CTBP2: variants seen among roughly 807,000 people sequenced by gnomAD.
CTBP2 encodes C-terminal binding protein 2, also known as C-terminal-binding protein 2.
Under a neutral mutation model 80.3 loss-of-function variants are expected in CTBP2, and 30 were observed. The observed-to-expected ratio is 0.37, with a 90% CI of 0.28 to 0.51. The LOEUF (loss-of-function observed/expected upper bound fraction) is 0.51. CTBP2 is among the 20% of genes least tolerant of loss of function. CTBP2 has a pLI of 0.93. For missense variants in CTBP2, 1,212 were observed against 1,375.3 expected (o/e 0.88, Z 1.88); for synonymous variants, 594 against 587.4 (o/e 1.01, Z -0.16).
At chr10:125,161,521 G>C (rs1468311475), upstream of CTBP2, among the ~76,000 whole-genome samples, 1 of 151,994 alleles carries the variant, frequency 6.6e-6, no homozygotes, top group Non-Finnish European at 1.5e-5. Context: ...CCCCGCACCG[G>C]CCGCTTCTGC....
intron 1 of CTBP2, among the ~76,000 whole-genome samples, chr10:125,121,539 T>C (rs1854320191): frequency 6.6e-6 from 1 of 152,202 alleles, no homozygotes; most frequent in Non-Finnish European, 1.5e-5. Flanking sequence ...TCAGACTCTG[T>C]ACTTTAAAAA....
At chr10:125,007,832 C>CTT (rs560374852) in intron 1 of CTBP2, among the ~76,000 whole-genome samples, 250 of 152,326 alleles carry the variant, frequency 1.6e-3, no homozygotes, top group Non-Finnish European at 3.0e-3. Context: ...GTTTCTGTTG[C>CTT]TTACAGCACA....
intron 1 of CTBP2, 98 bp from the exon 4 acceptor site, chr10:125,003,590 G>A (rs1954834695): frequency 1.0e-6 from 1 of 982,334 alleles, no homozygotes; most frequent in East Asian, 2.8e-5. Context: ...GCAGGGCTTG[G>A]GCAAGCGAGG....
In CTBP2 at chr10:125,027,449, G is replaced by C. The variant is rs1266072416; in HGVS notation, c.311C>G (p.Pro104Arg). Residue 104 changes from proline (P) to arginine (R), a missense_variant, in exon 1 of 9, where the codon CCC becomes CGC. Physicochemically the swap from Pro to Arg is moderately radical, Grantham distance 103. Coordinates refer to ENST00000309035, the MANE Select transcript of CTBP2 (RefSeq NM_022802.3). ...ACTGTAGTACTCCCGTGGCAGCAGGGGGCTGCGACCAGACATCACTGCCTG... is the reference window on the plus strand; with the variant it reads ...ACTGTAGTACTCCCGTGGCAGCAGGCGGCTGCGACCAGACATCACTGCCTG... The C allele has an allele frequency of 6.2e-7, 1 of 1,614,148 alleles. No individual in the cohort carries two copies. The highest frequency in any genetic ancestry group is 8.5e-7 in the Non-Finnish European group (1 of 1,180,028).
rs755519152 is a variant in CTBP2 at position 125,026,681 on chromosome 10, C to G, written c.1079G>C (p.Arg360Pro). The change falls in exon 1 of 9, where the codon CGG becomes CCG. Residue 360 changes from arginine to proline, a missense_variant. Physicochemically the swap from Arg to Pro is moderately radical, Grantham distance 103. This residue lies in a region of CTBP2 where 848 missense variants were observed against 782.3 expected (regional missense o/e 1.08). Coordinates refer to ENST00000309035, the MANE Select transcript of CTBP2 (RefSeq NM_022802.3). ...CCGCGCCCGGGGCAGCGGGCCCCCC[C>G]GGTCCTGCCTCCGCAGCTGCATTTC... The G allele has an allele frequency of 1.2e-5, 20 of 1,608,634 alleles. No individual in the cohort carries two copies. The Admixed American group carries it at 1.8e-4, about 15-fold the overall frequency.
intron 2 of CTBP2, among the ~76,000 whole-genome samples, chr10:125,107,054 G>C (rs980440444): frequency 1.3e-5 from 2 of 152,228 alleles, no homozygotes; most frequent in Admixed American, 6.5e-5. Context: ...TTATCCTTGG[G>C]GGGTGGAGGG....
Position 125,050,012 on chromosome 10 carries a change from A to G in CTBP2, c.-101-10857T>C, listed in dbSNP as rs143570430. On this transcript the variant is annotated intron_variant, in intron 2 of 10. Transcript: ENST00000337195. The stretch of plus-strand genomic sequence containing the variant: ...AGTAGTTTGGGCATGCACTGGGATA[A>G]AAGTGCTCCAGGCACCTGGGGTGGC... Among the ~76,000 whole-genome samples the G allele has an allele frequency of 1.1e-3, 162 of 152,326 alleles. 1 individual carries two copies. Among genetic ancestry groups the G allele is most frequent in the Non-Finnish European group, 1.6e-3 (107 of 68,018 alleles).
At chr10:125,150,450 AAAG>A (rs1451526530) in intron 1 of CTBP2, among the ~76,000 whole-genome samples, 2 of 152,106 alleles carry the variant, frequency 1.3e-5, no homozygotes, top group Admixed American at 6.5e-5. Flanking sequence ...GCTTGGGAGG[AAAG>A]AAGGAGTCTA....
chr10:124,998,539 T>C (rs1326007059), intron 3 of CTBP2: 2 of 321,538 alleles, frequency 6.2e-6, no homozygotes, highest in South Asian at 3.6e-5. Flanking sequence ...CTCCTCCAAG[T>C]GGACCCCACT....
chr10:125,135,324 A>T (rs2136172315), intron 1 of CTBP2, among the ~76,000 whole-genome samples: 1 of 152,290 alleles, frequency 6.6e-6, no homozygotes, highest in East Asian at 1.9e-4. Flanking sequence ...TAGGCCAAGG[A>T]TTCCCATCTG....
chr10:125,031,109 A>G (rs927092051), upstream of CTBP2, among the ~76,000 whole-genome samples: 13 of 152,160 alleles, frequency 8.5e-5, no homozygotes, highest in Non-Finnish European at 1.8e-4. Context: ...TGGCATACCC[A>G]TTTCCTGCTT....
intron 1 of CTBP2, among the ~76,000 whole-genome samples, chr10:125,133,825 C>T (rs531501765): frequency 2.0e-5 from 3 of 152,348 alleles, no homozygotes; most frequent in Admixed American, 2.0e-4. Context: ...CTCCTCCACA[C>T]TGTGAGCTCT....
At position 125,066,044 on chromosome 10, in the gene CTBP2, T is replaced by G. The variant is rs548668842; in HGVS notation, c.-101-26889A>C. 2.9e-4 allele frequency among the ~76,000 whole-genome samples: 44 copies of G among 150,146 alleles called. 1 individual carries two copies. The highest frequency in any genetic ancestry group is 3.4e-3 in the Middle Eastern group (1 of 292). On this transcript the variant is annotated intron_variant, in intron 2 of 10. Coordinates refer to the CTBP2 transcript ENST00000337195. This position sits in a 1 kb window ranked among gnomAD's most constrained non-coding sequence, Gnocchi z 4.1. ...TGAGCCCAGAAGGCAGAGGTTACAG[T>G]GAGCCCTGATTGTGCCATGGCACTC...
intron 2 of CTBP2, among the ~76,000 whole-genome samples, chr10:125,055,897 C>T (rs1963804923): frequency 6.6e-6 from 1 of 152,088 alleles, no homozygotes; most frequent in South Asian, 2.1e-4. Context: ...CCAGGCGTGG[C>T]AGCTCACACC....
chr10:125,054,409 G>A (rs373487703), intron 2 of CTBP2, among the ~76,000 whole-genome samples: 6 of 152,174 alleles, frequency 3.9e-5, no homozygotes, highest in South Asian at 2.1e-4. Flanking sequence ...AGAGACCCAC[G>A]GAACAGGAAA....
chr10:125,098,660 GAGAGAGAGAGA>G (rs1849970212), intron 2 of CTBP2, among the ~76,000 whole-genome samples: 14 of 18,862 alleles, frequency 7.4e-4, no homozygotes, highest in South Asian at 2.3e-3. Context: ...GGGAGGGGGA[GAGAGAGAGAGA>G]GAGAGAGAGA....
At chr10:125,116,356 A>G (rs1402638133) in intron 1 of CTBP2, among the ~76,000 whole-genome samples, 1 of 152,116 alleles carries the variant, frequency 6.6e-6, no homozygotes, top group Non-Finnish European at 1.5e-5. Flanking sequence ...TGCCTCACAG[A>G]CACTCCCTCG....
chr10:125,100,682 A>G (rs1050258159), intron 2 of CTBP2: 45 of 152,168 alleles, frequency 3.0e-4, no homozygotes, highest in African/African-American at 1.1e-3. Context: ...GAGAGGAAAA[A>G]CGCGAATAAC....
intron 2 of CTBP2, among the ~76,000 whole-genome samples, chr10:125,044,139 C>T (rs1960618484): frequency 6.6e-6 from 1 of 152,210 alleles, no homozygotes; most frequent in Non-Finnish European, 1.5e-5. Context: ...AGGTCCACCA[C>T]CCTTCTGAGC....
Sources: allele counts gnomAD v4.1 joint callset (sites outside exome capture counted in the v4.1 genomes callset), GRCh38; gene constraint gnomAD v4.1.1; regional missense constraint gnomAD v4.1.1; non-coding constraint Gnocchi (gnomAD v3.1); transcripts MANE v1.5; gene names NCBI Gene and HGNC (gene_info 2026-07-23, HGNC 2026-07-21).